BIN3: variants seen among roughly 807,000 people sequenced by gnomAD.
BIN3 encodes bridging integrator 3.
Under a neutral mutation model 38.2 loss-of-function variants are expected in BIN3, and 41 were observed. That is an observed-to-expected ratio of 1.07 (90% CI 0.84 to 1.39). The LOEUF is 1.39. Ranked by LOEUF, BIN3 falls within the 40% of genes most tolerant of loss-of-function variation. The pLI is 0.00. For missense variants in BIN3, 361 were observed against 324.3 expected (o/e 1.11, Z -0.87); for synonymous variants, 145 against 122.6 (o/e 1.18, Z -1.21).
intron 1 of BIN3, among the ~76,000 whole-genome samples, chr8:22,657,361 A>G (rs1038622084): frequency 6.6e-6 from 1 of 152,240 alleles, no homozygotes; most frequent in Non-Finnish European, 1.5e-5. Context: ...AAACAAAACA[A>G]AACACAAACA....
chr8:22,646,560 C>T (rs1436094409), intron 1 of BIN3, among the ~76,000 whole-genome samples: 4 of 152,146 alleles, frequency 2.6e-5, no homozygotes, highest in African/African-American at 7.2e-5. Flanking sequence ...AATTTAATTT[C>T]TGGAGGACAT....
chr8:22,663,585 A>G (rs1233559734), intron 1 of BIN3, among the ~76,000 whole-genome samples: 1 of 152,198 alleles, frequency 6.6e-6, no homozygotes, highest in African/African-American at 2.4e-5. Flanking sequence ...CCTGCTCAAA[A>G]GCCTTCAATT....
chr8:22,651,527 G>A (rs1262597711), intron 1 of BIN3, among the ~76,000 whole-genome samples: 3 of 152,152 alleles, frequency 2.0e-5, no homozygotes, highest in African/African-American at 4.8e-5. Context: ...TCACTTTTGA[G>A]ACTGCACATC....
In BIN3 at chr8:22,631,725, G is replaced by A. The variant is rs1369309537; in HGVS notation, c.161-1147C>T. ...ACGTTTTTCAAGGCACCCTGGTACC[G>A]GATCCCCATGAATGTGCCGCCCACC... On this transcript the variant is annotated intron_variant, in intron 4 of 8. Coordinates refer to ENST00000276416, the MANE Select transcript of BIN3 (RefSeq NM_018688.6). 2.6e-5 allele frequency among the ~76,000 whole-genome samples: 4 copies of A among 152,222 alleles called. No homozygotes were observed. The East Asian group carries it at 5.8e-4, about 22-fold the overall frequency.
intron 2 of BIN3, 37 bp from the exon 3 acceptor site, chr8:22,636,999 G>T (rs1454619869): frequency 1.2e-6 from 2 of 1,601,906 alleles, no homozygotes; most frequent in Non-Finnish European, 1.7e-6. Context: ...TCGGAGAAAT[G>T]ACAACACGGT....
chr8:22,661,352 C>CTTTTTTTTTTTTTTTTTTTTTTTTT (rs751194383), intron 1 of BIN3, among the ~76,000 whole-genome samples: 2 of 84,448 alleles, frequency 2.4e-5, no homozygotes, highest in African/African-American at 5.0e-5. Context: ...ATGTATCATT[C>CTTTTTTTTTTTTTTTTTTTTTTTTT]TTTTTTTTTT....
At chr8:22,665,917 A>G (rs1375705023) in intron 1 of BIN3, among the ~76,000 whole-genome samples, 3 of 152,198 alleles carry the variant, frequency 2.0e-5, no homozygotes, top group Admixed American at 2.0e-4. Flanking sequence ...CAGGTGGCAA[A>G]TTGTCAGCAG....
chr8:22,664,511 CAGGACACA>C (rs1466088241), intron 1 of BIN3, among the ~76,000 whole-genome samples: 1 of 152,228 alleles, frequency 6.6e-6, no homozygotes, highest in Non-Finnish European at 1.5e-5. Flanking sequence ...TAGAGGTCTG[CAGGACACA>C]AGGACTTCCT....
intron 2 of BIN3, among the ~76,000 whole-genome samples, chr8:22,639,320 C>T (rs1802465253): frequency 6.6e-6 from 1 of 152,040 alleles, no homozygotes; most frequent in African/African-American, 2.4e-5. Flanking sequence ...CAGCCTTGAC[C>T]TTCTAGGCTC....
intron 6 of BIN3, among the ~76,000 whole-genome samples, chr8:22,629,515 G>T (rs541329021): frequency 6.6e-6 from 1 of 152,260 alleles, no homozygotes; most frequent in Non-Finnish European, 1.5e-5. Context: ...GCCCCTCCCT[G>T]TGTGCGGCCA....
At chr8:22,668,898 G>A (rs1403760599) in intron 1 of BIN3, 146 bp downstream of exon 1, 2 of 1,000,970 alleles carry the variant, frequency 2.0e-6, no homozygotes, top group Non-Finnish European at 2.9e-6. Flanking sequence ...CCGAGGGAAC[G>A]ACCCTAGGGC....
At chr8:22,640,673 G>A (rs781612871) in intron 2 of BIN3, among the ~76,000 whole-genome samples, 4 of 152,154 alleles carry the variant, frequency 2.6e-5, no homozygotes, top group Admixed American at 1.3e-4. Context: ...GCTGAACCCC[G>A]GGGCCCTAGC....
chr8:22,661,306 A>G (rs138489106), intron 1 of BIN3, among the ~76,000 whole-genome samples: 286 of 145,608 alleles, frequency 2.0e-3, no homozygotes, highest in African/African-American at 6.9e-3. Flanking sequence ...GTATTGCCTT[A>G]TAGGTCTAAT....
chr8:22,663,687 T>C (rs1240311426), intron 1 of BIN3, among the ~76,000 whole-genome samples: 1 of 152,124 alleles, frequency 6.6e-6, no homozygotes, highest in Non-Finnish European at 1.5e-5. Flanking sequence ...TTCTCCCCAA[T>C]GCAGCCTCTA....
intron 1 of BIN3, among the ~76,000 whole-genome samples, chr8:22,667,317 T>C (rs1442846826): frequency 6.6e-6 from 1 of 152,208 alleles, no homozygotes; most frequent in Non-Finnish European, 1.5e-5. Flanking sequence ...GAAGGGAAAC[T>C]TTCTGTGAGA....
chr8:22,648,152 A>G (rs576209427), intron 1 of BIN3, among the ~76,000 whole-genome samples: 93 of 151,772 alleles, frequency 6.1e-4, no homozygotes, highest in Middle Eastern at 3.4e-3. Flanking sequence ...AAAAAAAAAA[A>G]AAGGAAAAGA....
chr8:22,667,072 C>T (rs981049107), intron 1 of BIN3, among the ~76,000 whole-genome samples: 4 of 152,152 alleles, frequency 2.6e-5, no homozygotes, highest in African/African-American at 2.4e-5. Flanking sequence ...GGGTCAGGGT[C>T]CACGCAAGAG....
intron 8 of BIN3, chr8:22,622,817 G>A (rs576979284): frequency 6.6e-6 from 1 of 152,460 alleles, no homozygotes; most frequent in Non-Finnish European, 1.5e-5. Flanking sequence ...GCAGGAGCAA[G>A]TGTCAGGAGA....
At chr8:22,638,276 C>G (rs1802434916) in intron 2 of BIN3, among the ~76,000 whole-genome samples, 1 of 152,236 alleles carries the variant, frequency 6.6e-6, no homozygotes, top group Non-Finnish European at 1.5e-5. Context: ...ATTAATTCAA[C>G]ATAGCCCTGG....
Sources: allele counts gnomAD v4.1 joint callset (sites outside exome capture counted in the v4.1 genomes callset), GRCh38; gene constraint gnomAD v4.1.1; transcripts MANE v1.5; gene names NCBI Gene and HGNC (gene_info 2026-07-23, HGNC 2026-07-21).